Variants in RGPD2 observed in about 807,000 individuals in gnomAD.
The protein encoded by RGPD2 is RANBP2-like and GRIP domain-containing protein 2.
Under a neutral mutation model 36.0 loss-of-function variants are expected in RGPD2, and 2 were observed. The ratio of observed to expected loss-of-function variants is 0.06; its 90% confidence interval spans 0.02 to 0.17. RGPD2 has a LOEUF of 0.17. Ranked by LOEUF, RGPD2 falls within the 10% of genes least tolerant of loss-of-function variation. The pLI is 1.00. For missense variants in RGPD2, 40 were observed against 464.3 expected, an observed-to-expected ratio of 0.09 and a Z score of 8.40; for synonymous variants, 19 against 163.8, an observed-to-expected ratio of 0.12 and a Z score of 6.75.
At chr2:87,824,250 C>T (rs1239956693) in intron 1 of RGPD2, among the ~76,000 whole-genome samples, 2 of 151,404 alleles carry the variant, frequency 1.3e-5, no homozygotes, top group African/African-American at 4.9e-5. Flanking sequence ...TCTCTGCCTC[C>T]CAAAGTGCTC....
At chr2:87,986,970 A>G in the RGPD2 span, among the ~76,000 whole-genome samples, 2 of 142,334 alleles carry the variant, frequency 1.4e-5, no homozygotes, top group Non-Finnish European at 3.0e-5. Flanking sequence ...AATATATAAT[A>G]TTCAATATAT....
chr2:87,837,088 T>C, the RGPD2 span, among the ~76,000 whole-genome samples: 1 of 151,822 alleles, frequency 6.6e-6, no homozygotes, highest in Non-Finnish European at 1.5e-5. Flanking sequence ...AACAAGTTCT[T>C]AGAGACACAC....
chr2:87,848,864 G>GTA, the RGPD2 span, among the ~76,000 whole-genome samples: 1 of 148,522 alleles, frequency 6.7e-6, no homozygotes, highest in Admixed American at 6.7e-5. Flanking sequence ...GGTGTGGTGT[G>GTA]TGTGTGTGTG....
chr2:87,967,350 G>A, the RGPD2 span, among the ~76,000 whole-genome samples: 3 of 149,908 alleles, frequency 2.0e-5, no homozygotes, highest in East Asian at 5.8e-4. Context: ...GGAGCTTGCA[G>A]TGAGCCGAGA....
At chr2:87,876,992 A>T in the RGPD2 span, among the ~76,000 whole-genome samples, 1 of 152,282 alleles carries the variant, frequency 6.6e-6, no homozygotes, top group South Asian at 2.1e-4. Flanking sequence ...TTCTTGATTT[A>T]ACATCTGTTT....
chr2:87,930,769 A>G, the RGPD2 span, among the ~76,000 whole-genome samples: 7 of 148,274 alleles, frequency 4.7e-5, no homozygotes, highest in Admixed American at 4.0e-4. Flanking sequence ...TCAGAGATTC[A>G]ATTTCTTCCT....
At chr2:87,984,405 G>C in the RGPD2 span, among the ~76,000 whole-genome samples, 1 of 151,476 alleles carries the variant, frequency 6.6e-6, no homozygotes, top group African/African-American at 2.4e-5. Flanking sequence ...AGATTCACAA[G>C]GTACAATTAT....
the RGPD2 span, among the ~76,000 whole-genome samples, chr2:87,885,998 T>C: frequency 6.6e-6 from 1 of 151,864 alleles, no homozygotes; most frequent in African/African-American, 2.4e-5. Flanking sequence ...AAATTTTCAG[T>C]GTTTTTCTAT....
the RGPD2 span, among the ~76,000 whole-genome samples, chr2:87,840,860 A>G: frequency 6.9e-6 from 1 of 145,178 alleles, no homozygotes; most frequent in Non-Finnish European, 1.5e-5. Flanking sequence ...AAATATATGC[A>G]TTGTAGAAAA....
At chr2:87,934,631 A>G in the RGPD2 span, among the ~76,000 whole-genome samples, 23 of 151,448 alleles carry the variant, frequency 1.5e-4, no homozygotes, top group African/African-American at 5.6e-4. Flanking sequence ...ACCTCACCCA[A>G]TTGTCAGGTT....
At chr2:87,915,385 G>GTATATATGTATATTACATATATTGTA in the RGPD2 span, among the ~76,000 whole-genome samples, 1 of 109,090 alleles carries the variant, frequency 9.2e-6, no homozygotes, top group Non-Finnish European at 1.9e-5. Context: ...TATATATATT[G>GTATATATGTATATTACATATATTGTA]TATATATATG....
the RGPD2 span, among the ~76,000 whole-genome samples, chr2:87,940,538 T>A: frequency 3.2e-5 from 4 of 125,368 alleles, no homozygotes; most frequent in African/African-American, 1.0e-4. Flanking sequence ...AATGGCATCG[T>A]AAGAAAAACT....
intron 22 of RGPD2, chr2:87,771,389 T>TTG (rs1685106506): frequency 6.7e-5 from 1 of 15,002 alleles, no homozygotes; most frequent in Non-Finnish European, 1.7e-4. Context: ...CATAGTTTTT[T>TTG]TTTTTTTTTT....
the RGPD2 span, among the ~76,000 whole-genome samples, chr2:87,839,894 T>C: frequency 1.3e-5 from 2 of 151,106 alleles, no homozygotes; most frequent in Non-Finnish European, 3.0e-5. Flanking sequence ...CTAAAATAAA[T>C]GTTGGAAAGA....
At chr2:87,936,235 T>G in the RGPD2 span, among the ~76,000 whole-genome samples, 1 of 151,678 alleles carries the variant, frequency 6.6e-6, no homozygotes, top group African/African-American at 2.4e-5. Context: ...TAATTTTCCA[T>G]ATGAATGTTA....
upstream of RGPD2, among the ~76,000 whole-genome samples, chr2:87,830,583 T>C (rs1672470138): frequency 6.6e-6 from 1 of 152,156 alleles, no homozygotes; most frequent in Non-Finnish European, 1.5e-5. Flanking sequence ...CTGATACCAA[T>C]TGACTGTATT....
intron 18 of RGPD2, among the ~76,000 whole-genome samples, 189 bp from the exon 19 acceptor site, chr2:87,785,358 C>G: frequency 9.3e-6 from 1 of 107,352 alleles, no homozygotes; most frequent in Non-Finnish European, 1.9e-5. Flanking sequence ...AAAAAAATTG[C>G]TAAATATGAC....
intron 1 of RGPD2, among the ~76,000 whole-genome samples, chr2:87,824,729 CCGGCCAGGCCGAG>C (rs1323259782): frequency 1.5e-3 from 176 of 117,464 alleles, no homozygotes; most frequent in Non-Finnish European, 2.4e-3. Flanking sequence ...CCGCCGCCGC[CCGGCCAGGCCGAG>C]GCCGCCGCCG....
the RGPD2 span, among the ~76,000 whole-genome samples, chr2:87,974,736 G>T: frequency 6.6e-6 from 1 of 152,104 alleles, no homozygotes; most frequent in Non-Finnish European, 1.5e-5. Context: ...AATAGCTTTG[G>T]TTCATTCTAT....
Sources: gnomAD v4.1 joint callset for allele counts (sites outside exome capture counted in the v4.1 genomes callset) on GRCh38, gnomAD v4.1.1 for gene constraint, MANE v1.5 for transcripts, NCBI Gene and HGNC (gene_info 2026-07-23, HGNC 2026-07-21) for gene names.